TYR: variants seen among roughly 807,000 people sequenced by gnomAD.
TYR encodes the protein LB24-AB.
TYR carries 58 observed loss-of-function variants against 51.5 expected under a neutral mutation model. The observed-to-expected ratio is 1.13, with a 90% CI of 0.91 to 1.40. The LOEUF is 1.40. TYR is among the 40% of genes most tolerant of loss of function. The pLI is 0.00. For synonymous variants in TYR, 263 were observed against 235.2 expected (o/e 1.12, Z -1.08); for missense variants, 732 against 647.4 (o/e 1.13, Z -1.42).
Position 89,185,305 on chromosome 11 carries a change from T to C in TYR, c.820-5897T>C, listed in dbSNP as rs758787966. On this transcript the variant is annotated intron_variant, in intron 1 of 4. Coordinates refer to ENST00000263321, the MANE Select transcript of TYR (RefSeq NM_000372.5). ...CCTAGGACAGAGTAGTGACTCAATATAGGTTTAAAAAAATAAGTTCTAGAA... is the reference window on the plus strand; with the variant it reads ...CCTAGGACAGAGTAGTGACTCAATACAGGTTTAAAAAAATAAGTTCTAGAA... Among the ~76,000 whole-genome samples the C allele has an allele frequency of 4.1e-4, 63 of 152,214 alleles. 1 individual carries two copies. The highest frequency in any genetic ancestry group is 1.0e-3 in the South Asian group (5 of 4,818).
At chr11:89,260,492 A>C (rs1944444539) in intron 3 of TYR, among the ~76,000 whole-genome samples, 1 of 152,050 alleles carries the variant, frequency 6.6e-6, no homozygotes. Flanking sequence ...GAAATAAAGA[A>C]ATTTCCCAAT....
intron 4 of TYR, among the ~76,000 whole-genome samples, chr11:89,292,264 G>A (rs1944860448): frequency 1.3e-5 from 2 of 151,822 alleles, no homozygotes; most frequent in South Asian, 4.1e-4. Context: ...CAGTAAACAT[G>A]TTTATTCTCT....
chr11:89,279,444 G>C (rs1169408767), intron 3 of TYR, among the ~76,000 whole-genome samples: 2 of 151,506 alleles, frequency 1.3e-5, no homozygotes. Flanking sequence ...GGGCTTACTG[G>C]GTTGTTTCTC....
intron 3 of TYR, among the ~76,000 whole-genome samples, chr11:89,267,727 T>C (rs1944542642): frequency 6.6e-6 from 1 of 151,930 alleles, no homozygotes; most frequent in African/African-American, 2.4e-5. Context: ...TGTCACGTAG[T>C]TTTCCACTCA....
At chr11:89,238,515 A>G (rs888845308) in intron 3 of TYR, among the ~76,000 whole-genome samples, 1 of 152,152 alleles carries the variant, frequency 6.6e-6, no homozygotes, top group Non-Finnish European at 1.5e-5. Flanking sequence ...TTTTCAGTAT[A>G]CACAATCATG....
intron 3 of TYR, among the ~76,000 whole-genome samples, chr11:89,266,224 A>G (rs1944524643): frequency 6.6e-6 from 1 of 152,004 alleles, no homozygotes; most frequent in Admixed American, 6.6e-5. Context: ...TATTAGTGTT[A>G]TTCTTGCATA....
At chr11:89,194,331 A>G (rs12420674) in intron 2 of TYR, among the ~76,000 whole-genome samples, 24,471 of 152,100 alleles carry the variant, frequency 0.16, 2,404 homozygotes, top group African/African-American at 0.28. Flanking sequence ...AAAATTCCAC[A>G]TAGGTGATTA....
intron 2 of TYR, among the ~76,000 whole-genome samples, chr11:89,210,731 C>T (rs923810978): frequency 1.3e-5 from 2 of 152,178 alleles, no homozygotes; most frequent in African/African-American, 4.8e-5. Context: ...GGTTGGGTTA[C>T]CCACAAAGGG....
chr11:89,283,787 T>G (rs1944747961), intron 3 of TYR: 1 of 151,892 alleles, frequency 6.6e-6, no homozygotes, highest in Admixed American at 6.6e-5. Context: ...ACTCCATTCT[T>G]ACTGGACTTT....
At chr11:89,211,207 G>A (rs1460475624) in intron 2 of TYR, among the ~76,000 whole-genome samples, 1 of 152,068 alleles carries the variant, frequency 6.6e-6, no homozygotes, top group Non-Finnish European at 1.5e-5. Context: ...CTATATTCAG[G>A]AGACCCATCT....
At chr11:89,236,246 A>ACACG (rs1221219519) in intron 3 of TYR, among the ~76,000 whole-genome samples, 47 of 151,784 alleles carry the variant, frequency 3.1e-4, no homozygotes, top group South Asian at 2.1e-4. Context: ...ACACACACAC[A>ACACG]CACACACACA....
At chr11:89,231,133 T>G (rs1405743802) in intron 3 of TYR, among the ~76,000 whole-genome samples, 2 of 138,764 alleles carry the variant, frequency 1.4e-5, no homozygotes, top group African/African-American at 5.7e-5. Context: ...ATCATGCCAT[T>G]GCACTCCAGC....
intron 2 of TYR, among the ~76,000 whole-genome samples, chr11:89,222,666 G>C (rs1290434542): frequency 1.3e-5 from 2 of 152,042 alleles, no homozygotes; most frequent in Non-Finnish European, 2.9e-5. Flanking sequence ...TTGAACCCAG[G>C]AGGTGGAGGT....
intron 2 of TYR, among the ~76,000 whole-genome samples, chr11:89,217,335 C>T (rs917821842): frequency 3.9e-5 from 6 of 152,170 alleles, no homozygotes; most frequent in African/African-American, 1.4e-4. Flanking sequence ...ATTTCTTGCT[C>T]ATCCAAAATC....
intron 1 of TYR, among the ~76,000 whole-genome samples, chr11:89,183,551 T>C (rs1369080196): frequency 6.6e-6 from 1 of 152,068 alleles, no homozygotes; most frequent in Non-Finnish European, 1.5e-5. Flanking sequence ...TCAGCATGAA[T>C]TTGAGTGAAC....
intron 3 of TYR, among the ~76,000 whole-genome samples, chr11:89,260,562 C>A (rs1157560827): frequency 2.0e-5 from 3 of 152,022 alleles, no homozygotes; most frequent in Non-Finnish European, 4.4e-5. Flanking sequence ...CTAAAGGAAG[C>A]AGTTCAAGCT....
At chr11:89,213,203 A>C (rs1943785240) in intron 2 of TYR, among the ~76,000 whole-genome samples, 1 of 152,216 alleles carries the variant, frequency 6.6e-6, no homozygotes, top group African/African-American at 2.4e-5. Flanking sequence ...GTCTCAGCCC[A>C]AAATCTCCTT....
intron 2 of TYR, among the ~76,000 whole-genome samples, chr11:89,211,123 A>G (rs2135269116): frequency 6.6e-6 from 1 of 152,254 alleles, no homozygotes; most frequent in South Asian, 2.1e-4. Context: ...TATTAACCTT[A>G]AATGTAAATG....
chr11:89,271,894 C>T (rs1359545122), intron 3 of TYR, among the ~76,000 whole-genome samples: 6 of 151,898 alleles, frequency 4.0e-5, no homozygotes, highest in Non-Finnish European at 8.8e-5. Flanking sequence ...TTTGCTCATC[C>T]ATAAGATGCA....
Sources: allele counts gnomAD v4.1 joint callset (sites outside exome capture counted in the v4.1 genomes callset), GRCh38; gene constraint gnomAD v4.1.1; transcripts MANE v1.5; gene names NCBI Gene and HGNC (gene_info 2026-07-23, HGNC 2026-07-21).